Variants in FBXW11 observed in about 807,000 individuals in gnomAD.
The protein encoded by FBXW11 is F-box/WD repeat-containing protein 11.
In FBXW11, 19 loss-of-function variants were observed where a neutral mutation model predicts 77.6. The observed-to-expected ratio is 0.24, with a 90% confidence interval of 0.17 to 0.36. The LOEUF (loss-of-function observed/expected upper bound fraction) is 0.36. FBXW11 is among the 10% of genes least tolerant of loss of function. The pLI is 1.00. For missense variants in FBXW11, 334 were observed against 704.2 expected (o/e 0.47, Z 5.95); for synonymous variants, 235 against 249.4 (o/e 0.94, Z 0.54).
chr5:171,932,643 T>C (rs770014772), intron 2 of FBXW11, among the ~76,000 whole-genome samples: 1 of 152,166 alleles, frequency 6.6e-6, no homozygotes, highest in East Asian at 1.9e-4. Flanking sequence ...AATTTGGCAG[T>C]TTCTTACAAA....
rs536578777 is a variant in FBXW11, at chr5:171,929,510, G to C, written c.148-15105C>G. 3.3e-5 allele frequency among the ~76,000 whole-genome samples: 5 copies of C among 152,198 alleles called. No individual in the cohort carries two copies. The South Asian group carries it at 8.3e-4, about 25-fold the overall frequency. On this transcript the variant is annotated intron_variant, in intron 2 of 13. Coordinates refer to ENST00000517395, the MANE Select transcript of FBXW11 (RefSeq NM_001378974.1). Reference sequence around the variant, plus strand: ...AAACATAAATAACAAAAAGAATGTAGATGGTATGACTGTCTAACTAGAAAA... The same window carrying C: ...AAACATAAATAACAAAAAGAATGTACATGGTATGACTGTCTAACTAGAAAA...
At chr5:171,891,738 A>G in intron 6 of FBXW11, 134 bp from the exon 7 acceptor site, 3 of 779,996 alleles carry the variant, frequency 3.8e-6, no homozygotes, top group Non-Finnish European at 3.9e-6. Flanking sequence ...GTCTGTGGAT[A>G]GGATCATGCT....
chr5:171,868,084 G>T (rs1757524583), intron 13 of FBXW11: 1 of 152,162 alleles, frequency 6.6e-6, no homozygotes, highest in African/African-American at 2.4e-5. Context: ...CAGTGTATCT[G>T]TTGTGTTTCA....
chr5:171,891,660 G>C, intron 6 of FBXW11, 56 bp from the exon 7 acceptor site: 1 of 1,556,234 alleles, frequency 6.4e-7, no homozygotes. Context: ...ACTCTATTAG[G>C]TTTCAGACTT....
At chr5:171,999,081 TAAG>T (rs1766255367) in intron 1 of FBXW11, among the ~76,000 whole-genome samples, 6 of 152,168 alleles carry the variant, frequency 3.9e-5, no homozygotes, top group Non-Finnish European at 1.5e-5. Flanking sequence ...CTCACAACTT[TAAG>T]GAGATCACAA....
At chr5:171,915,280 T>C (rs955382298) in intron 2 of FBXW11, among the ~76,000 whole-genome samples, 3 of 152,224 alleles carry the variant, frequency 2.0e-5, no homozygotes, top group African/African-American at 7.2e-5. Flanking sequence ...ATTTGTCTCA[T>C]AGTATTATTC....
At position 171,910,582 on chromosome 5, in the gene FBXW11, G is replaced by A. The variant is rs748688441; in HGVS notation, c.426C>T (p.Thr142=). ...LKPMLQRDFI[T]ALPEQGLDHI... ...GACAAGTACAGTTACCTGGTAAAGC[G>A]GTAATAAAGTCCCGCTGCAACATGG... Residue 142 remains threonine (T), a synonymous_variant, in exon 4 of 14, where the codon ACC becomes ACT. Transcript: ENST00000517395. 13 of 1,611,900 alleles carry A rather than the reference G, an allele frequency of 8.1e-6. No individual in the cohort carries two copies. Among genetic ancestry groups the A allele is most frequent in the African/African-American group, 4.0e-5 (3 of 74,846 alleles).
At chr5:172,005,934 T>C (rs1766729871) in intron 1 of FBXW11, among the ~76,000 whole-genome samples, 2 of 152,132 alleles carry the variant, frequency 1.3e-5, no homozygotes, top group South Asian at 2.1e-4. Context: ...CCCCCAGCTC[T>C]GTAGGGCCTA....
At chr5:171,979,275 T>C (rs182065263) in intron 1 of FBXW11, among the ~76,000 whole-genome samples, 24 of 152,176 alleles carry the variant, frequency 1.6e-4, no homozygotes, top group Non-Finnish European at 3.1e-4. Context: ...ATCATGCTAC[T>C]GCATTCCAGC....
At chr5:171,897,352 T>C (rs1759808738) in intron 6 of FBXW11, among the ~76,000 whole-genome samples, 1 of 152,204 alleles carries the variant, frequency 6.6e-6, no homozygotes, top group South Asian at 2.1e-4. Context: ...GAGAAGACTT[T>C]TGTGGCCAAC....
At chr5:171,977,450 T>C (rs748952399) in intron 1 of FBXW11, among the ~76,000 whole-genome samples, 2 of 152,168 alleles carry the variant, frequency 1.3e-5, no homozygotes, top group Non-Finnish European at 2.9e-5. Flanking sequence ...GGAATGAATA[T>C]GCCATGAACT....
At chr5:171,905,055 A>G (rs1760383635) in intron 4 of FBXW11, among the ~76,000 whole-genome samples, 1 of 152,210 alleles carries the variant, frequency 6.6e-6, no homozygotes, top group Non-Finnish European at 1.5e-5. Flanking sequence ...TTCAAATGCC[A>G]TCAGTCCAAT....
chr5:171,893,006 A>G (rs2541044), intron 6 of FBXW11, among the ~76,000 whole-genome samples: 131,341 of 152,222 alleles, frequency 0.86, 57,905 homozygotes, highest in East Asian at 1. Flanking sequence ...TGAAAGCTAC[A>G]TGCCAGGCAC....
intron 2 of FBXW11, among the ~76,000 whole-genome samples, chr5:171,938,574 C>T (rs1043910459): frequency 1.3e-5 from 2 of 152,192 alleles, no homozygotes; most frequent in Non-Finnish European, 2.9e-5. Context: ...TGTCACAACC[C>T]TTTTGGAAGA....
At chr5:171,973,192 A>T (rs114431073) in intron 1 of FBXW11, among the ~76,000 whole-genome samples, 1 of 152,222 alleles carries the variant, frequency 6.6e-6, no homozygotes, top group Non-Finnish European at 1.5e-5. Flanking sequence ...TAAAATTTAT[A>T]AGAAATACAA....
At chr5:171,918,352 T>C (rs986178368) in intron 2 of FBXW11, among the ~76,000 whole-genome samples, 4 of 152,170 alleles carry the variant, frequency 2.6e-5, no homozygotes, top group African/African-American at 7.2e-5. Context: ...TTAATCACTT[T>C]GAATTTTATT....
chr5:171,950,619 C>T (rs1017371097), intron 2 of FBXW11, among the ~76,000 whole-genome samples: 2 of 152,186 alleles, frequency 1.3e-5, no homozygotes, highest in Non-Finnish European at 2.9e-5. Flanking sequence ...GGTGCGGTGG[C>T]TCATGCCTGT....
intron 1 of FBXW11, among the ~76,000 whole-genome samples, chr5:171,961,497 C>T (rs777211333): frequency 4.7e-4 from 72 of 152,224 alleles, no homozygotes; most frequent in African/African-American, 1.3e-3. Context: ...AGTCTGTACC[C>T]GCTAGCCAAA....
At chr5:171,953,473 C>A (rs1763455084) in intron 2 of FBXW11, among the ~76,000 whole-genome samples, 3 of 152,162 alleles carry the variant, frequency 2.0e-5, no homozygotes, top group Admixed American at 2.0e-4. Flanking sequence ...ACAGCCATGT[C>A]TGACCTTAGA....
Sources: allele counts gnomAD v4.1 joint callset (sites outside exome capture counted in the v4.1 genomes callset), GRCh38; gene constraint gnomAD v4.1.1; transcripts MANE v1.5; gene names NCBI Gene and HGNC (gene_info 2026-07-23, HGNC 2026-07-21).